GABRA3: variants seen among roughly 807,000 people sequenced by gnomAD.
The protein encoded by GABRA3 is gamma-aminobutyric acid receptor subunit alpha-3.
A neutral mutation model predicts 30.1 loss-of-function variants in GABRA3; 10 were observed. That is an observed-to-expected ratio of 0.33 (90% CI 0.20 to 0.56). GABRA3 has a LOEUF of 0.56. Among genes scored for constraint, GABRA3 ranks in the 20% least tolerant of loss-of-function variants. The pLI, the probability that GABRA3 is intolerant of heterozygous loss-of-function variation, is 0.89. For missense variants in GABRA3, 233 were observed against 392.0 expected, an observed-to-expected ratio of 0.59 and a Z score of 3.42; for synonymous variants, 151 against 146.8, an observed-to-expected ratio of 1.03 and a Z score of -0.21.
At chrX:152,395,643 T>C (rs772676514) in intron 1 of GABRA3, among the ~76,000 whole-genome samples, 1 of 111,692 alleles carries the variant, frequency 9.0e-6, no homozygotes, top group South Asian at 3.8e-4. Context: ...TTAACAACCA[T>C]AAAATGTGAG....
At chrX:152,352,324 T>G (rs899082511) in intron 2 of GABRA3, among the ~76,000 whole-genome samples, 2 of 111,907 alleles carry the variant, frequency 1.8e-5, no homozygotes, top group African/African-American at 6.5e-5. Context: ...TTGAAATAAA[T>G]AGGTAAATAA....
intron 4 of GABRA3, among the ~76,000 whole-genome samples, chrX:152,275,237 AT>A (rs1268528123): frequency 1.9e-5 from 1 of 52,391 alleles, no homozygotes; most frequent in African/African-American, 9.9e-5. Context: ...ATTTATATAT[AT>A]TTTATTATAT....
At chrX:152,261,491 T>C (rs943013028) in intron 4 of GABRA3, among the ~76,000 whole-genome samples, 1 of 112,010 alleles carries the variant, frequency 8.9e-6, no homozygotes, top group Non-Finnish European at 1.9e-5. Flanking sequence ...AATGCATCCA[T>C]TCCAAATGAG....
chrX:152,191,256 TATC>T (rs1603204433), intron 8 of GABRA3, among the ~76,000 whole-genome samples: 1 of 110,795 alleles, frequency 9.0e-6, no homozygotes, highest in Non-Finnish European at 1.9e-5. Context: ...ACAACAATAT[TATC>T]ATAATAATTT....
At chrX:152,338,551 T>G (rs1940267765) in intron 3 of GABRA3, among the ~76,000 whole-genome samples, 1 of 112,007 alleles carries the variant, frequency 8.9e-6, no homozygotes, top group South Asian at 3.7e-4. Flanking sequence ...TCCCATTTGT[T>G]TATTTTTGCT....
At chrX:152,240,033 C>A (rs1421907537) in intron 5 of GABRA3, among the ~76,000 whole-genome samples, 7 of 94,290 alleles carry the variant, frequency 7.4e-5, no homozygotes, top group African/African-American at 3.1e-4. Flanking sequence ...TTGATCCTGT[C>A]ATTATGATGT....
rs368781860 is a variant in GABRA3, at chrX:152,392,892, C to A, written c.-26-28296G>T. ...GGTGCTTACTTAGACAGATATTGTG[C>A]CTTATACAAGAGCCACGGTACAGGG... On this transcript the variant is annotated intron_variant, in intron 1 of 9. Coordinates refer to ENST00000370314, the MANE Select transcript of GABRA3 (RefSeq NM_000808.4). Among the ~76,000 whole-genome samples the A allele has an allele frequency of 5.4e-5, 6 of 111,889 alleles. No individual in the cohort carries two copies. In the East Asian group the frequency reaches 1.4e-3, roughly 26 times the overall value.
intron 2 of GABRA3, among the ~76,000 whole-genome samples, chrX:152,347,990 C>T (rs779410990): frequency 9.0e-5 from 10 of 111,348 alleles, no homozygotes; most frequent in Non-Finnish European, 1.7e-4. Context: ...GAGCAAGACC[C>T]TGTCTAAAAT....
At chrX:152,373,966 T>C (rs1928915604) in intron 1 of GABRA3, among the ~76,000 whole-genome samples, 1 of 111,542 alleles carries the variant, frequency 9.0e-6, no homozygotes, top group Non-Finnish European at 1.9e-5. Flanking sequence ...CTCATCCTTT[T>C]TTATGGCTGC....
intron 9 of GABRA3, among the ~76,000 whole-genome samples, chrX:152,177,907 A>G (rs1421800074): frequency 8.9e-6 from 1 of 112,198 alleles, no homozygotes; most frequent in Non-Finnish European, 1.9e-5. Context: ...AGTGAACATC[A>G]AAGGACAAAA....
chrX:152,385,948 C>T (rs1929293919), intron 1 of GABRA3, among the ~76,000 whole-genome samples: 1 of 110,380 alleles, frequency 9.1e-6, no homozygotes, highest in Non-Finnish European at 1.9e-5. Flanking sequence ...TTCCATTGAT[C>T]TATATCTCTG....
At chrX:152,415,219 T>A (rs1930180267) in intron 1 of GABRA3, among the ~76,000 whole-genome samples, 1 of 111,299 alleles carries the variant, frequency 9.0e-6, no homozygotes, top group Admixed American at 9.6e-5. Flanking sequence ...TACCACATCA[T>A]GCAAGATGTT....
In GABRA3 at chrX:152,308,466, C is replaced by T. The variant is rs764711462; in HGVS notation, c.263-23731G>A. On this transcript the variant is annotated intron_variant, in intron 3 of 9. Coordinates refer to ENST00000370314, the MANE Select transcript of GABRA3 (RefSeq NM_000808.4). The stretch of plus-strand genomic sequence containing the variant: ...CCAGCAGGTACATAAGCTTGAGGGG[C>T]GAGACAACAAAGCAGAGGGCCTGGT... Among the ~76,000 whole-genome samples the T allele has an allele frequency of 1.2e-4, 14 of 112,041 alleles. No individual in the cohort carries two copies. In the East Asian group the frequency reaches 2.5e-3, roughly 20 times the overall value.
chrX:152,275,207 TATA>T (rs1370596107), intron 4 of GABRA3, among the ~76,000 whole-genome samples: 54 of 65,485 alleles, frequency 8.2e-4, no homozygotes, highest in South Asian at 5.1e-3. Context: ...AATTTATATA[TATA>T]ATATTATATA....
chrX:152,404,496 G>C (rs1435687927), intron 1 of GABRA3, among the ~76,000 whole-genome samples: 1 of 110,466 alleles, frequency 9.1e-6, no homozygotes, highest in Non-Finnish European at 1.9e-5. Context: ...ATCCCAGAAA[G>C]ACAGAAAACT....
At chrX:152,280,068 T>G (rs780765872) in intron 4 of GABRA3, among the ~76,000 whole-genome samples, 7 of 111,641 alleles carry the variant, frequency 6.3e-5, no homozygotes, top group African/African-American at 2.3e-4. Flanking sequence ...CAGAGACAAT[T>G]TGACTTCCTC....
rs1050141797 is a variant in GABRA3 at position 152,421,531 on chromosome X, T to C, written c.-27+29615A>G. Among the ~76,000 whole-genome samples, 4 of 111,463 alleles carry C rather than the reference T, an allele frequency of 3.6e-5. No homozygotes were observed. The Admixed American group carries it at 3.8e-4, about 11-fold the overall frequency. ...AAGTATTAACCATAAAGTAAAAGTCTGATCAACTAGACTAAATTAAAATTA... is the reference window on the plus strand; with the variant it reads ...AAGTATTAACCATAAAGTAAAAGTCCGATCAACTAGACTAAATTAAAATTA... On this transcript the variant is annotated intron_variant, in intron 1 of 9. Coordinates refer to ENST00000370314, the MANE Select transcript of GABRA3 (RefSeq NM_000808.4).
intron 6 of GABRA3, among the ~76,000 whole-genome samples, chrX:152,215,413 G>A (rs956559659): frequency 3.6e-5 from 4 of 110,866 alleles, no homozygotes; most frequent in Non-Finnish European, 7.6e-5. Context: ...TGAAATGACC[G>A]TGTTTTTTGT....
chrX:152,183,727 C>A (rs939057729), intron 9 of GABRA3, among the ~76,000 whole-genome samples: 11 of 111,303 alleles, frequency 9.9e-5, no homozygotes, highest in African/African-American at 3.6e-4. Context: ...GCTTTGGCTG[C>A]AACTCATAAG....
Sources: gnomAD v4.1 joint callset for allele counts (sites outside exome capture counted in the v4.1 genomes callset) on GRCh38, gnomAD v4.1.1 for gene constraint, MANE v1.5 for transcripts, NCBI Gene and HGNC (gene_info 2026-07-23, HGNC 2026-07-21) for gene names.